LRRTM4: variants seen among roughly 807,000 people sequenced by gnomAD.
The protein encoded by LRRTM4 is leucine rich repeat transmembrane neuronal 4.
Under a neutral mutation model 47.6 loss-of-function variants are expected in LRRTM4, and 25 were observed. The ratio of observed to expected loss-of-function variants is 0.53; its 90% CI spans 0.38 to 0.73. The LOEUF (loss-of-function observed/expected upper bound fraction) is 0.73. Ranked by LOEUF, LRRTM4 falls within the 30% of genes least tolerant of loss-of-function variation. LRRTM4 has a pLI of 0.00. For synonymous variants in LRRTM4, 311 were observed against 269.5 expected (o/e 1.15, Z -1.51); for missense variants, 638 against 713.4 (o/e 0.89, Z 1.20).
intron 3 of LRRTM4, among the ~76,000 whole-genome samples, chr2:77,164,012 G>A (rs1020031530): frequency 2.6e-5 from 4 of 152,074 alleles, no homozygotes; most frequent in Admixed American, 1.3e-4. Context: ...GACACAGACT[G>A]GCAAATTGGA....
intron 3 of LRRTM4, among the ~76,000 whole-genome samples, chr2:77,128,246 GAAA>G (rs919102121): frequency 1.3e-5 from 2 of 152,048 alleles, no homozygotes; most frequent in African/African-American, 4.8e-5. Context: ...TGACGTAAGG[GAAA>G]AAAATGGAAA....
chr2:76,833,816 AT>A (rs1671427052), intron 3 of LRRTM4, among the ~76,000 whole-genome samples: 2 of 151,724 alleles, frequency 1.3e-5, no homozygotes, highest in Admixed American at 1.3e-4. Flanking sequence ...GCAAAATAAT[AT>A]TTTAATATGC....
chr2:77,518,263 A>T (rs781392498), intron 3 of LRRTM4, 55 bp downstream of exon 3: 5 of 1,481,422 alleles, frequency 3.4e-6, no homozygotes, highest in Non-Finnish European at 4.5e-6. Flanking sequence ...GGCTTCAAAC[A>T]TTTACCTCTC....
At chr2:77,293,952 G>C (rs2104139101) in intron 3 of LRRTM4, among the ~76,000 whole-genome samples, 1 of 152,164 alleles carries the variant, frequency 6.6e-6, no homozygotes, top group Middle Eastern at 3.4e-3. Context: ...AAATAAACTT[G>C]TTGTTTTAAG....
intron 3 of LRRTM4, among the ~76,000 whole-genome samples, chr2:77,439,764 C>T (rs546602749): frequency 3.3e-5 from 5 of 152,254 alleles, no homozygotes; most frequent in Admixed American, 3.3e-4. Flanking sequence ...TATACTGTGC[C>T]TATCTGGAAG....
In LRRTM4 at chr2:77,226,492, T is replaced by C. The variant is rs554109517; in HGVS notation, c.1551+291826A>G. 2.0e-4 allele frequency among the ~76,000 whole-genome samples: 30 copies of C among 150,866 alleles called. No homozygotes were observed. In the East Asian group the frequency reaches 5.2e-3, roughly 26 times the overall value. On this transcript the variant is annotated intron_variant, in intron 3 of 3. Coordinates refer to ENST00000409884, the MANE Select transcript of LRRTM4 (RefSeq NM_001134745.3). ...CCATTGTTGGTGTTTGTTTTCTGTC[T>C]CTCATTATTTTCTACTGATGTGCTT... is the stretch of plus-strand genomic sequence containing the variant.
At chr2:76,873,194 G>A (rs1240938219) in intron 3 of LRRTM4, among the ~76,000 whole-genome samples, 1 of 151,850 alleles carries the variant, frequency 6.6e-6, no homozygotes, top group Non-Finnish European at 1.5e-5. Context: ...GTTGACAATA[G>A]AAATAATTCA....
At chr2:77,493,544 G>A (rs908349070) in intron 3 of LRRTM4, among the ~76,000 whole-genome samples, 3 of 151,850 alleles carry the variant, frequency 2.0e-5, no homozygotes, top group Non-Finnish European at 4.4e-5. Context: ...ATATCACTCT[G>A]CAAATATAGT....
At chr2:77,521,384 C>T (rs1196275373) in intron 2 of LRRTM4, among the ~76,000 whole-genome samples, 1 of 151,944 alleles carries the variant, frequency 6.6e-6, no homozygotes, top group Non-Finnish European at 1.5e-5. Context: ...TTATCTCCTT[C>T]TGAATTCCCA....
At chr2:76,956,596 A>C (rs561920314) in intron 3 of LRRTM4, among the ~76,000 whole-genome samples, 1 of 151,494 alleles carries the variant, frequency 6.6e-6, no homozygotes, top group African/African-American at 2.4e-5. Context: ...GCAGAAAATG[A>C]AAATAATAAA....
At chr2:76,865,196 C>T (rs1216046950) in intron 3 of LRRTM4, among the ~76,000 whole-genome samples, 1 of 152,004 alleles carries the variant, frequency 6.6e-6, no homozygotes, top group African/African-American at 2.4e-5. Flanking sequence ...TCTCTTTGCT[C>T]CCTGTGGGCT....
chr2:77,336,769 T>C (rs1671182987), intron 3 of LRRTM4, among the ~76,000 whole-genome samples: 1 of 152,122 alleles, frequency 6.6e-6, no homozygotes. Flanking sequence ...ATATACTGAA[T>C]GGGCAAAAGT....
intron 3 of LRRTM4, among the ~76,000 whole-genome samples, chr2:77,434,556 A>T (rs1675517009): frequency 6.6e-6 from 1 of 152,202 alleles, no homozygotes; most frequent in South Asian, 2.1e-4. Context: ...TATGCAAAAA[A>T]GTTACATATT....
At chr2:77,129,281 G>A (rs1376602480) in intron 3 of LRRTM4, among the ~76,000 whole-genome samples, 2 of 152,118 alleles carry the variant, frequency 1.3e-5, no homozygotes, top group African/African-American at 4.8e-5. Context: ...AACCCAGAGT[G>A]GTAATCAATG....
intron 3 of LRRTM4, among the ~76,000 whole-genome samples, chr2:77,259,115 T>C (rs1675847791): frequency 6.6e-6 from 1 of 151,828 alleles, no homozygotes; most frequent in Non-Finnish European, 1.5e-5. Context: ...TATAAAAAAC[T>C]TAAAAAAAAA....
intron 3 of LRRTM4, among the ~76,000 whole-genome samples, chr2:76,873,506 G>GTGTGTGTGTATATATATATATA (rs367573475): frequency 2.7e-5 from 3 of 112,312 alleles, no homozygotes; most frequent in African/African-American, 9.7e-5. Flanking sequence ...ATATATGTGT[G>GTGTGTGTGTATATATATATATA]TATATATATA....
chr2:77,331,356 T>C lies in LRRTM4; in HGVS notation c.1551+186962A>G, dbSNP rs551588159. ...ATCCAAGGGATGCCATTGTTTGGGT[T>C]ATATACCCTTCATTGTGCCAAGCAG... On this transcript the variant is annotated intron_variant, in intron 3 of 3. Coordinates refer to ENST00000409884, the MANE Select transcript of LRRTM4 (RefSeq NM_001134745.3). Among the ~76,000 whole-genome samples, 5 of 152,270 alleles carry C rather than the reference T, an allele frequency of 3.3e-5. No homozygotes were observed. The East Asian group carries it at 9.7e-4, about 29-fold the overall frequency.
At chr2:77,050,778 T>A (rs1022783272) in intron 3 of LRRTM4, among the ~76,000 whole-genome samples, 1 of 152,180 alleles carries the variant, frequency 6.6e-6, no homozygotes, top group Non-Finnish European at 1.5e-5. Context: ...AACGGAAAAG[T>A]AATTTTATTT....
intron 3 of LRRTM4, among the ~76,000 whole-genome samples, chr2:76,983,520 C>T (rs1185428409): frequency 1.3e-5 from 2 of 152,006 alleles, no homozygotes; most frequent in Non-Finnish European, 2.9e-5. Context: ...CATGCCTTTG[C>T]TGCTCCTTCA....
Sources: allele counts gnomAD v4.1 joint callset (sites outside exome capture counted in the v4.1 genomes callset), GRCh38; gene constraint gnomAD v4.1.1; transcripts MANE v1.5; gene names NCBI Gene and HGNC (gene_info 2026-07-23, HGNC 2026-07-21).